Variants in CTNNA3 observed in about 807,000 individuals in gnomAD.
The protein encoded by CTNNA3 is catenin alpha-3.
In CTNNA3, 76 loss-of-function variants were observed where a neutral mutation model predicts 95.7. That is an observed-to-expected ratio of 0.79 (90% CI 0.66 to 0.96). CTNNA3 has a LOEUF of 0.96. Among genes scored for constraint, CTNNA3 ranks in the 40% least tolerant of loss-of-function variants. CTNNA3 has a pLI of 0.00. For missense variants in CTNNA3, 1,191 were observed against 1,089.8 expected, an observed-to-expected ratio of 1.09 and a Z score of -1.31; for synonymous variants, 431 against 374.4, an observed-to-expected ratio of 1.15 and a Z score of -1.74.
intron 13 of CTNNA3, among the ~76,000 whole-genome samples, chr10:66,189,617 T>TATATAC (rs151078010): frequency 2.3e-4 from 32 of 140,338 alleles, no homozygotes; most frequent in East Asian, 1.0e-3. Flanking sequence ...TATATATATA[T>TATATAC]ACACACATAC....
At chr10:67,239,879 G>C (rs1174513395) in intron 5 of CTNNA3, among the ~76,000 whole-genome samples, 3 of 152,056 alleles carry the variant, frequency 2.0e-5, no homozygotes, top group Non-Finnish European at 2.9e-5. Flanking sequence ...AGAAAAAAAA[G>C]TCTGAAATAT....
chr10:66,981,146 C>T (rs2132880319), intron 7 of CTNNA3, among the ~76,000 whole-genome samples: 1 of 152,274 alleles, frequency 6.6e-6, no homozygotes. Context: ...TCATGTGATC[C>T]ACCTACCTTG....
chr10:67,586,025 T>C (rs949520128), intron 3 of CTNNA3, among the ~76,000 whole-genome samples: 1 of 152,180 alleles, frequency 6.6e-6, no homozygotes, highest in Non-Finnish European at 1.5e-5. Flanking sequence ...TGTTGTGTTT[T>C]AATTTTCATT....
chr10:66,819,065 C>T (rs1018539927), intron 7 of CTNNA3, among the ~76,000 whole-genome samples: 5 of 145,916 alleles, frequency 3.4e-5, no homozygotes, highest in African/African-American at 1.3e-4. Context: ...ACTCCAGAGC[C>T]TGGGCAACAG....
At chr10:66,065,935 C>T (rs952881213) in intron 15 of CTNNA3, among the ~76,000 whole-genome samples, 1 of 152,068 alleles carries the variant, frequency 6.6e-6, no homozygotes, top group African/African-American at 2.4e-5. Flanking sequence ...GCAATCTCGG[C>T]TCACCACAAT....
At chr10:66,834,725 CA>C (rs745335643) in intron 7 of CTNNA3, among the ~76,000 whole-genome samples, 3 of 152,214 alleles carry the variant, frequency 2.0e-5, no homozygotes, top group Non-Finnish European at 2.9e-5. Context: ...CTCAACAAGG[CA>C]TGCAAGGCCT....
At chr10:66,134,459 T>C (rs947124895) in intron 13 of CTNNA3, among the ~76,000 whole-genome samples, 1 of 152,154 alleles carries the variant, frequency 6.6e-6, no homozygotes, top group Non-Finnish European at 1.5e-5. Context: ...GTTTACTATG[T>C]AGTACTAAAA....
chr10:66,579,153 T>C (rs548569463), intron 10 of CTNNA3, among the ~76,000 whole-genome samples: 1 of 152,030 alleles, frequency 6.6e-6, no homozygotes, highest in East Asian at 1.9e-4. Flanking sequence ...CTGAGGATTT[T>C]TTGTATTTCT....
At chr10:66,033,553 T>A (rs1415224702) in intron 15 of CTNNA3, among the ~76,000 whole-genome samples, 1 of 152,146 alleles carries the variant, frequency 6.6e-6, no homozygotes, top group African/African-American at 2.4e-5. Flanking sequence ...TGTGTGTGTG[T>A]GTATACAATA....
intron 10 of CTNNA3, among the ~76,000 whole-genome samples, chr10:66,613,276 A>G (rs1037350256): frequency 6.6e-6 from 1 of 151,770 alleles, no homozygotes; most frequent in Non-Finnish European, 1.5e-5. Flanking sequence ...AGGACACACC[A>G]CCTCCGATTT....
At chr10:67,164,877 C>A (rs1424244639) in intron 7 of CTNNA3, among the ~76,000 whole-genome samples, 1 of 152,088 alleles carries the variant, frequency 6.6e-6, no homozygotes, top group Non-Finnish European at 1.5e-5. Context: ...GTGAAAATAT[C>A]AAATGTTGGT....
intron 10 of CTNNA3, among the ~76,000 whole-genome samples, chr10:66,570,404 T>A (rs567622071): frequency 1.7e-4 from 26 of 152,084 alleles, no homozygotes; most frequent in Non-Finnish European, 2.9e-4. Context: ...TTCTCCTACT[T>A]CAGCCTTCCC....
intron 5 of CTNNA3, among the ~76,000 whole-genome samples, chr10:67,225,704 G>T (rs891332049): frequency 6.6e-6 from 1 of 152,092 alleles, no homozygotes; most frequent in East Asian, 1.9e-4. Context: ...ACACCCCTTG[G>T]GACAAAAGAA....
chr10:66,013,512 T>G (rs2079042351), intron 15 of CTNNA3, among the ~76,000 whole-genome samples: 1 of 152,248 alleles, frequency 6.6e-6, no homozygotes, highest in African/African-American at 2.4e-5. Context: ...GTATATTTTG[T>G]ACACACATAC....
intron 5 of CTNNA3, among the ~76,000 whole-genome samples, chr10:67,228,075 T>G (rs999051652): frequency 4.6e-5 from 7 of 151,688 alleles, no homozygotes; most frequent in Non-Finnish European, 7.4e-5. Context: ...CCAAAAAGAC[T>G]GAAAAAGCAC....
intron 15 of CTNNA3, among the ~76,000 whole-genome samples, chr10:66,001,946 CTG>C (rs1337206414): frequency 6.6e-6 from 1 of 152,048 alleles, no homozygotes; most frequent in Non-Finnish European, 1.5e-5. Context: ...TAAACTCTCT[CTG>C]TGTGTAGTTG....
At chr10:67,729,724 T>C (rs1841264102) in intron 1 of CTNNA3, among the ~76,000 whole-genome samples, 2 of 152,112 alleles carry the variant, frequency 1.3e-5, no homozygotes, top group South Asian at 2.1e-4. Flanking sequence ...AAAGAATCAG[T>C]ATCAAGTTTT....
intron 5 of CTNNA3, among the ~76,000 whole-genome samples, chr10:67,387,315 C>T (rs1244752967): frequency 6.6e-6 from 1 of 152,114 alleles, no homozygotes; most frequent in Non-Finnish European, 1.5e-5. Flanking sequence ...CCTGAAAAAT[C>T]GGGTCACTCC....
At chr10:67,365,854 G>C (rs1843194263) in intron 5 of CTNNA3, among the ~76,000 whole-genome samples, 1 of 152,168 alleles carries the variant, frequency 6.6e-6, no homozygotes, top group African/African-American at 2.4e-5. Flanking sequence ...AATACCATTT[G>C]ACCCAGCCAT....
Sources: allele counts gnomAD v4.1 joint callset (sites outside exome capture counted in the v4.1 genomes callset), GRCh38; gene constraint gnomAD v4.1.1; transcripts MANE v1.5; gene names NCBI Gene and HGNC (gene_info 2026-07-23, HGNC 2026-07-21).